The following POTEE variants were observed in gnomAD, a reference collection of about 807,000 sequenced individuals.
POTEE encodes the protein POTE ankyrin domain family member E.
A neutral mutation model predicts 74.2 loss-of-function variants in POTEE; 21 were observed. That is an observed-to-expected ratio of 0.28 (90% CI 0.20 to 0.41). POTEE has a LOEUF of 0.41. Among genes scored for constraint, POTEE ranks in the 10% least tolerant of loss-of-function variants. The pLI is 1.00. For missense variants in POTEE, 525 were observed against 1,158.6 expected, an observed-to-expected ratio of 0.45 and a Z score of 7.94; for synonymous variants, 211 against 432.8, an observed-to-expected ratio of 0.49 and a Z score of 6.36.
Position 131,218,571 on chromosome 2 carries a change from C to A in POTEE, c.169C>A (p.Leu57Ile), listed in dbSNP as rs768129127. The A allele has an allele frequency of 3.1e-6, 5 of 1,612,760 alleles. No homozygotes were observed. Among genetic ancestry groups the A allele is most frequent in the African/African-American group, 1.3e-5 (1 of 74,326 alleles). ...GDHDDSAMKT[L>I]RSKMGKWCHH... is the part of the protein sequence containing the mutation. ...CCACGACGACTCTGCTATGAAGACA[C>A]TCAGGAGCAAGATGGGCAAGTGGTG... is the stretch of plus-strand genomic sequence containing the variant. Residue 57 changes from leucine to isoleucine, a missense_variant, in exon 4 of 18, where the codon CTC (leucine) becomes ATC (isoleucine). Leu to Ile is a conservative substitution (Grantham distance 5). Coordinates refer to ENST00000683005, the MANE Select transcript of POTEE (RefSeq NM_001083538.3).
In POTEE at chr2:131,220,543, TG is replaced by T. The variant is rs753412099; in HGVS notation, c.521+1623del. Among the ~76,000 whole-genome samples the T allele has an allele frequency of 1.8e-4, 28 of 152,190 alleles. No individual in the cohort carries two copies. The East Asian group carries it at 3.3e-3, about 18-fold the overall frequency. On this transcript the variant is annotated intron_variant, in intron 4 of 17. Transcript: ENST00000683005. ...TAATAAAATAAGCTCATTTTAAAAT[TG>T]GGCAAAGTACTTTTTTTGCATATCT... is the stretch of plus-strand genomic sequence containing the variant.
At chr2:131,222,824 T>C (rs1214148699) in intron 4 of POTEE, among the ~76,000 whole-genome samples, 2 of 151,770 alleles carry the variant, frequency 1.3e-5, no homozygotes, top group African/African-American at 2.4e-5. Context: ...AGCTTTCTTA[T>C]TCCATAGTTC....
At chr2:131,220,642 A>G (rs572120827) in intron 4 of POTEE, among the ~76,000 whole-genome samples, 59 of 152,182 alleles carry the variant, frequency 3.9e-4, no homozygotes, top group African/African-American at 1.3e-3. Context: ...AAGAGGAATG[A>G]AATACTGTTT....
At chr2:131,219,404 G>GGAA (rs1700545956) in intron 4 of POTEE, among the ~76,000 whole-genome samples, 1 of 151,426 alleles carries the variant, frequency 6.6e-6, no homozygotes, top group Non-Finnish European at 1.5e-5. Context: ...GAAATGGGAA[G>GGAA]ATGGTTCCTG....
chr2:131,220,475 G>A (rs2105069948), intron 4 of POTEE, among the ~76,000 whole-genome samples: 1 of 151,324 alleles, frequency 6.6e-6, no homozygotes, highest in Admixed American at 6.5e-5. Context: ...AAGTGCTGGG[G>A]TTACAGGCGT....
rs1484511512 is a variant in POTEE, at chr2:131,209,829, C to T, written c.-345+10C>T. Reference sequence around the variant, plus strand: ...AAATGTCCTGGTGTAGGTGAGTTATCCGGGGATGTACTGCCCGCCTGTGGG... The same window carrying T: ...AAATGTCCTGGTGTAGGTGAGTTATTCGGGGATGTACTGCCCGCCTGTGGG... On this transcript the variant is annotated intron_variant, in intron 1 of 17. Coordinates refer to ENST00000683005, the MANE Select transcript of POTEE (RefSeq NM_001083538.3). Among the ~76,000 whole-genome samples, 4 of 151,874 alleles carry T rather than the reference C, an allele frequency of 2.6e-5. No homozygotes were observed. The highest frequency in any genetic ancestry group is 2.0e-4 in the Admixed American group (3 of 15,272).
At chr2:131,231,466 T>C (rs545715468) in intron 9 of POTEE, among the ~76,000 whole-genome samples, 9 of 152,042 alleles carry the variant, frequency 5.9e-5, no homozygotes, top group South Asian at 2.1e-4. Flanking sequence ...GACCCCTGCT[T>C]TGCGTGGTCC....
At chr2:131,212,349 A>C (rs1025144950) in intron 2 of POTEE, among the ~76,000 whole-genome samples, 2 of 151,592 alleles carry the variant, frequency 1.3e-5, no homozygotes, top group Non-Finnish European at 2.9e-5. Flanking sequence ...AAATTCAAAA[A>C]ATTGCAGCCT....
intron 10 of POTEE, among the ~76,000 whole-genome samples, chr2:131,237,350 A>T (rs1402297267): frequency 6.6e-6 from 1 of 152,062 alleles, no homozygotes; most frequent in Non-Finnish European, 1.5e-5. Flanking sequence ...AAGGTTAAAA[A>T]TATATTCTGC....
At chr2:131,210,973 G>A in intron 1 of POTEE, among the ~76,000 whole-genome samples, 55 bp from the exon 2 acceptor site, 1 of 151,354 alleles carries the variant, frequency 6.6e-6, no homozygotes, top group African/African-American at 2.5e-5. Flanking sequence ...GCCACCCAGT[G>A]GCCAGCATGA....
Position 131,263,348 on chromosome 2 carries a change from T to A in POTEE, c.1900-7T>A. On this transcript the variant is annotated splice_polypyrimidine_tract_variant and splice_region_variant and intron_variant, in intron 17 of 17. Coordinates refer to ENST00000683005, the MANE Select transcript of POTEE (RefSeq NM_001083538.3). ...GTGCTAACTAAAAGTTCTCTTTGTT[T>A]ACTTAGCTTTCTCTTAGTTGTAAGA... is the stretch of plus-strand genomic sequence containing the variant. 6.2e-7 allele frequency: 1 copy of A among 1,609,230 alleles called. No homozygotes were observed. The highest frequency in any genetic ancestry group is 8.5e-7 in the Non-Finnish European group (1 of 1,178,938).
chr2:131,231,558 C>T (rs926022614), intron 9 of POTEE, among the ~76,000 whole-genome samples: 1 of 151,976 alleles, frequency 6.6e-6, no homozygotes, highest in Non-Finnish European at 1.5e-5. Context: ...ATATGCTTGT[C>T]CCAATAAGGT....
At chr2:131,224,585 A>C (rs917232233) in intron 6 of POTEE, among the ~76,000 whole-genome samples, 7 of 151,584 alleles carry the variant, frequency 4.6e-5, no homozygotes, top group Non-Finnish European at 1.0e-4. Context: ...TGGAAATTAG[A>C]TAATGGAGGG....
Position 131,211,739 on chromosome 2 carries a change from G to A in POTEE, c.-189+556G>A, listed in dbSNP as rs188097758. Among the ~76,000 whole-genome samples the A allele has an allele frequency of 3.5e-3, 535 of 151,418 alleles. 3 individuals carry two copies. Among genetic ancestry groups the A allele is most frequent in the African/African-American group, 0.012 (475 of 41,254 alleles). On this transcript the variant is annotated intron_variant, in intron 2 of 17. Coordinates refer to ENST00000683005, the MANE Select transcript of POTEE (RefSeq NM_001083538.3). ...AGCCAATTTTATTTTTGTATTTTTAGTAGAGATGGGGTTTCACAGTGTTGG... is the reference window on the plus strand; with the variant it reads ...AGCCAATTTTATTTTTGTATTTTTAATAGAGATGGGGTTTCACAGTGTTGG...
intron 6 of POTEE, among the ~76,000 whole-genome samples, 186 bp downstream of exon 6, chr2:131,224,229 C>T (rs1274141626): frequency 2.0e-5 from 3 of 151,118 alleles, no homozygotes; most frequent in East Asian, 3.9e-4. Flanking sequence ...TTAGAGGGTA[C>T]AGTTTTTTTT....
intron 9 of POTEE, among the ~76,000 whole-genome samples, chr2:131,233,275 A>C (rs1055755326): frequency 8.6e-5 from 13 of 152,038 alleles, no homozygotes; most frequent in African/African-American, 2.9e-4. Context: ...TGTCATATCT[A>C]CTTAACCCTG....
chr2:131,226,443 C>G (rs2105081495), intron 6 of POTEE, among the ~76,000 whole-genome samples: 1 of 132,420 alleles, frequency 7.6e-6, no homozygotes. Context: ...GCTTTATACA[C>G]AATTTGTCTT....
intron 9 of POTEE, among the ~76,000 whole-genome samples, chr2:131,234,206 A>G (rs561294913): frequency 4.8e-4 from 73 of 151,916 alleles, no homozygotes; most frequent in African/African-American, 1.6e-3. Context: ...TTAGGGAATG[A>G]TACTCTCCAT....
chr2:131,230,219 A>T (rs923498142), intron 8 of POTEE, among the ~76,000 whole-genome samples: 1 of 152,192 alleles, frequency 6.6e-6, no homozygotes, highest in Non-Finnish European at 1.5e-5. Context: ...GATGCCCTGA[A>T]TTATAAGCCA....
Sources: allele counts gnomAD v4.1 joint callset (sites outside exome capture counted in the v4.1 genomes callset), GRCh38; gene constraint gnomAD v4.1.1; transcripts MANE v1.5; gene names NCBI Gene and HGNC (gene_info 2026-07-23, HGNC 2026-07-21).